Variants in ACBD5 observed in about 807,000 individuals in gnomAD.
ACBD5 encodes the protein acyl-CoA-binding domain-containing protein 5.
In ACBD5, 40 loss-of-function variants were observed where a neutral mutation model predicts 71.8. The ratio of observed to expected loss-of-function variants is 0.56; its 90% confidence interval spans 0.43 to 0.72. The LOEUF (loss-of-function observed/expected upper bound fraction) is 0.72. Ranked by LOEUF, ACBD5 falls within the 30% of genes least tolerant of loss-of-function variation. ACBD5 has a pLI of 0.00. For missense variants in ACBD5, 559 were observed against 644.5 expected, an observed-to-expected ratio of 0.87 and a Z score of 1.44; for synonymous variants, 229 against 218.6, an observed-to-expected ratio of 1.05 and a Z score of -0.42.
intron 8 of ACBD5, 149 bp from the exon 9 acceptor site, chr10:27,211,230 T>C: frequency 1.2e-6 from 1 of 834,590 alleles, no homozygotes. Flanking sequence ...ATGTCTTCAA[T>C]TCATATGCTG....
intron 8 of ACBD5, among the ~76,000 whole-genome samples, chr10:27,211,909 G>A (rs2061119162): frequency 6.6e-6 from 1 of 151,516 alleles, no homozygotes; most frequent in Non-Finnish European, 1.5e-5. Context: ...CTGAGTTAGG[G>A]TATAAAGGGT....
chr10:27,213,758 A>AG (rs996570224), intron 8 of ACBD5, among the ~76,000 whole-genome samples: 1 of 68,782 alleles, frequency 1.5e-5, no homozygotes, highest in African/African-American at 3.8e-5. Context: ...ACTCCGCCTC[A>AG]GAAAAAAAAA....
At chr10:27,197,520 A>C (rs1431097127) in intron 12 of ACBD5, 78 bp from the exon 13 acceptor site, 1 of 1,108,312 alleles carries the variant, frequency 9.0e-7, no homozygotes, top group Non-Finnish European at 1.3e-6. Context: ...TAATAATAAT[A>C]ACATACAAAT....
At chr10:27,187,728 G>C (rs1317645216) in intron 13 of ACBD5, among the ~76,000 whole-genome samples, 1 of 149,176 alleles carries the variant, frequency 6.7e-6, no homozygotes, top group African/African-American at 2.5e-5. Context: ...TTTCAGCCTG[G>C]GCAACAGAAT....
chr10:27,208,155 C>A, intron 10 of ACBD5, 91 bp downstream of exon 10: 2 of 1,327,168 alleles, frequency 1.5e-6, no homozygotes, highest in Non-Finnish European at 2.2e-6. Flanking sequence ...CAGTAAAATA[C>A]ATTAATTTAT....
At chr10:27,225,423 TAGG>T (rs2137763413) in intron 4 of ACBD5, among the ~76,000 whole-genome samples, 1 of 152,324 alleles carries the variant, frequency 6.6e-6, no homozygotes, top group East Asian at 1.9e-4. Context: ...GTTATATGTG[TAGG>T]AGGAGGTTGT....
chr10:27,232,839 C>G (rs541335905), intron 3 of ACBD5, among the ~76,000 whole-genome samples: 1 of 152,106 alleles, frequency 6.6e-6, no homozygotes, highest in South Asian at 2.1e-4. Context: ...ATGTTTTTCC[C>G]CGAAGGAGTT....
chr10:27,197,074 A>G lies in ACBD5; in HGVS notation c.*356T>C, dbSNP rs2059441541. 2.2e-6 allele frequency: 1 copy of G among 461,796 alleles called. No individual in the cohort carries two copies. The highest frequency in any genetic ancestry group is 2.0e-5 in the African/African-American group (1 of 50,100). The allele number at this position is 461,796 out of a possible 1,614,324, so 28.6% of individuals were successfully genotyped here. ...TTATAAATTTGATCTCATTATCACA[A>G]TGGTACCTTTGAAAAGCAGCTTATG... On this transcript the variant is annotated 3_prime_UTR_variant, in exon 13 of 13. Coordinates refer to ENST00000396271, the MANE Select transcript of ACBD5 (RefSeq NM_145698.5).
rs919174720 is a variant in ACBD5, at chr10:27,186,803, A to G, written c.1494-4088T>C. The G allele has an allele frequency of 2.7e-5, 12 of 437,438 alleles. No individual in the cohort carries two copies. The Admixed American group carries it at 3.0e-4, about 11-fold the overall frequency. 27.1% of individuals were successfully genotyped at this position (437,438 alleles called of 1,614,324 possible). ...TATTGCACTTTATGAAAACTGAAGCATCAATAAAATTAGAGGACACTATTG... is the reference window on the plus strand; with the variant it reads ...TATTGCACTTTATGAAAACTGAAGCGTCAATAAAATTAGAGGACACTATTG... On this transcript the variant is annotated intron_variant, in intron 13 of 13. Transcript: ENST00000676511.
At chr10:27,222,268 T>C (rs1168785382) in intron 5 of ACBD5, among the ~76,000 whole-genome samples, 5 of 152,176 alleles carry the variant, frequency 3.3e-5, no homozygotes, top group African/African-American at 9.7e-5. Flanking sequence ...TTGACTCTTG[T>C]GGTCTCATTT....
intron 3 of ACBD5, chr10:27,232,267 G>A (rs565641048): frequency 6.6e-6 from 1 of 151,272 alleles, no homozygotes; most frequent in African/African-American, 2.4e-5. Flanking sequence ...AGGCTTTCCG[G>A]TAAAGACCGG....
intron 12 of ACBD5, among the ~76,000 whole-genome samples, chr10:27,200,155 T>C (rs1004192458): frequency 1.3e-5 from 2 of 152,098 alleles, no homozygotes; most frequent in Non-Finnish European, 2.9e-5. Flanking sequence ...CAGGATGAGA[T>C]AGGAGGTCGG....
At chr10:27,202,362 A>G (rs2060011776) in intron 12 of ACBD5, among the ~76,000 whole-genome samples, 1 of 152,204 alleles carries the variant, frequency 6.6e-6, no homozygotes, top group Non-Finnish European at 1.5e-5. Flanking sequence ...TGGAAGGATC[A>G]AACAGTTAAC....
intron 4 of ACBD5, among the ~76,000 whole-genome samples, chr10:27,228,474 G>A (rs891151037): frequency 2.0e-5 from 3 of 151,854 alleles, no homozygotes; most frequent in Non-Finnish European, 4.4e-5. Flanking sequence ...CTACTCGGGA[G>A]GCTGAGGCAG....
At chr10:27,183,482 A>G (rs1322060294) in intron 13 of ACBD5, among the ~76,000 whole-genome samples, 12 of 151,914 alleles carry the variant, frequency 7.9e-5, no homozygotes, top group Non-Finnish European at 1.8e-4. Flanking sequence ...ATGGGGTTTC[A>G]CCATGTTGGC....
chr10:27,241,606 G>T (rs1432269408), upstream of ACBD5, among the ~76,000 whole-genome samples: 1 of 152,156 alleles, frequency 6.6e-6, no homozygotes, highest in East Asian at 1.9e-4. Flanking sequence ...AGTGGCTCAC[G>T]CCTGTAATCT....
At chr10:27,185,150 G>C (rs1320678573) in intron 13 of ACBD5, among the ~76,000 whole-genome samples, 1 of 152,136 alleles carries the variant, frequency 6.6e-6, no homozygotes, top group Non-Finnish European at 1.5e-5. Flanking sequence ...AAAGGGAGAA[G>C]GGGGTGAGCT....
intron 13 of ACBD5, among the ~76,000 whole-genome samples, chr10:27,188,678 T>C (rs1188116516): frequency 6.6e-6 from 1 of 152,230 alleles, no homozygotes; most frequent in Non-Finnish European, 1.5e-5. Context: ...TCACTTGAAA[T>C]TCAGCCACAG....
chr10:27,218,647 A>G (rs1191190272), intron 6 of ACBD5, among the ~76,000 whole-genome samples: 1 of 150,920 alleles, frequency 6.6e-6, no homozygotes, highest in Non-Finnish European at 1.5e-5. Flanking sequence ...GTGCAATGGC[A>G]TGAGCTTGGC....
Sources: gnomAD v4.1 joint callset for allele counts (sites outside exome capture counted in the v4.1 genomes callset) on GRCh38, gnomAD v4.1.1 for gene constraint, MANE v1.5 for transcripts, NCBI Gene and HGNC (gene_info 2026-07-23, HGNC 2026-07-21) for gene names.